STPG1: variants seen among roughly 807,000 people sequenced by gnomAD.
The protein encoded by STPG1 is sperm tail PG-rich repeat containing 1.
Under a neutral mutation model 40.1 loss-of-function variants are expected in STPG1, and 33 were observed. That is an observed-to-expected ratio of 0.82 (90% CI 0.62 to 1.10). The LOEUF is 1.10. STPG1 is among the 50% of genes least tolerant of loss of function. STPG1 has a pLI of 0.00. For missense variants in STPG1, 396 were observed against 415.1 expected, an observed-to-expected ratio of 0.95 and a Z score of 0.40; for synonymous variants, 150 against 155.0, an observed-to-expected ratio of 0.97 and a Z score of 0.24.
chr1:24,382,643 G>GAA (rs1326994000), intron 4 of STPG1, among the ~76,000 whole-genome samples: 1 of 152,192 alleles, frequency 6.6e-6, no homozygotes, highest in African/African-American at 2.4e-5. Context: ...GACCTACTGA[G>GAA]GCCATGTACA....
At chr1:24,401,799 G>T (rs561035228) in intron 1 of STPG1, among the ~76,000 whole-genome samples, 1 of 152,246 alleles carries the variant, frequency 6.6e-6, no homozygotes, top group African/African-American at 2.4e-5. Context: ...GGGTTCAAGT[G>T]ATTCTCCTGC....
At chr1:24,364,677 C>T (rs1372521028) in intron 7 of STPG1, among the ~76,000 whole-genome samples, 1 of 152,164 alleles carries the variant, frequency 6.6e-6, no homozygotes, top group Non-Finnish European at 1.5e-5. Context: ...AGGGCTGGTC[C>T]CTCCATGTCG....
intron 8 of STPG1, 106 bp from the exon 9 acceptor site, chr1:24,358,725 G>T: frequency 1.3e-6 from 1 of 780,572 alleles, no homozygotes; most frequent in Non-Finnish European, 2.1e-6. Flanking sequence ...CCCTGTGCCA[G>T]CCCCTGTATC....
At chr1:24,411,336 A>C (rs1643621422) in intron 1 of STPG1, among the ~76,000 whole-genome samples, 1 of 152,298 alleles carries the variant, frequency 6.6e-6, no homozygotes, top group Admixed American at 6.5e-5. Context: ...AGGAAGTCTG[A>C]CTTCTACTCA....
In STPG1 at chr1:24,399,386, T is replaced by C. The variant is rs938284619; in HGVS notation, c.70+1933A>G. Among the ~76,000 whole-genome samples the C allele has an allele frequency of 1.3e-5, 2 of 152,154 alleles. No homozygotes were observed. The highest frequency in any genetic ancestry group is 2.9e-5 in the Non-Finnish European group (2 of 68,010). On this transcript the variant is annotated intron_variant, in intron 2 of 8. Coordinates refer to ENST00000337248, the MANE Select transcript of STPG1 (RefSeq NM_001199013.2). This position sits in a 1 kb window ranked among gnomAD's most constrained non-coding sequence, Gnocchi z 4.0. Reference sequence around the variant, plus strand: ...ATGGAAAACAACAGACTCGGGCATCTTCCTCAATCAAAAACAATTTCAAGT... The same window carrying C: ...ATGGAAAACAACAGACTCGGGCATCCTCCTCAATCAAAAACAATTTCAAGT...
rs1642146071 is a variant in STPG1, at chr1:24,378,733, T to C, written c.462+920A>G. On this transcript the variant is annotated intron_variant, in intron 5 of 8. Coordinates refer to ENST00000337248, the MANE Select transcript of STPG1 (RefSeq NM_001199013.2). Reference sequence around the variant, plus strand: ...GGAAAAAAGGAAATGGTATAATAAATGTATAAAACCAAAATAGTTTGGAAA... The same window carrying C: ...GGAAAAAAGGAAATGGTATAATAAACGTATAAAACCAAAATAGTTTGGAAA... Among the ~76,000 whole-genome samples, 3 of 152,208 alleles carry C rather than the reference T, an allele frequency of 2.0e-5. No homozygotes were observed. In the South Asian group the frequency reaches 6.2e-4, roughly 32 times the overall value.
At position 24,389,073 on chromosome 1, in the gene STPG1, C is replaced by T. The variant is rs115516577; in HGVS notation, c.189+2488G>A. ...AAAGTTTTCATGTTGTCAAGTAACA[C>T]GACCACATTTAAAAAGTTGGAACCC... is the stretch of plus-strand genomic sequence containing the variant. On this transcript the variant is annotated intron_variant, in intron 3 of 8. Coordinates refer to ENST00000337248, the MANE Select transcript of STPG1 (RefSeq NM_001199013.2). Among the ~76,000 whole-genome samples, 851 of 152,286 alleles carry T rather than the reference C, an allele frequency of 5.6e-3. 9 individuals are homozygous for T. Among genetic ancestry groups the T allele is most frequent in the African/African-American group, 0.02 (817 of 41,550 alleles).
At chr1:24,375,986 A>G (rs928188359) in intron 5 of STPG1, among the ~76,000 whole-genome samples, 9 of 152,292 alleles carry the variant, frequency 5.9e-5, no homozygotes, top group South Asian at 2.1e-4. Context: ...TGGTGGAGGG[A>G]CAGAGGTAGG....
rs1041132019 is a variant in STPG1 at position 24,359,157 on chromosome 1, G to C, written c.929-538C>G. ...GCTCAGGGGAGCCCATGGTAGTCCAGGTATACCTGAGTTTACTGGAAGCTG... is the reference window on the plus strand; with the variant it reads ...GCTCAGGGGAGCCCATGGTAGTCCACGTATACCTGAGTTTACTGGAAGCTG... On this transcript the variant is annotated intron_variant, in intron 8 of 8. Coordinates refer to ENST00000337248, the MANE Select transcript of STPG1 (RefSeq NM_001199013.2). The surrounding 1 kb of genome is among the most constrained non-coding windows in gnomAD (Gnocchi z 5.3). Among the ~76,000 whole-genome samples, 7 of 152,320 alleles carry C rather than the reference G, an allele frequency of 4.6e-5. No individual in the cohort carries two copies. The East Asian group carries it at 9.7e-4, about 21-fold the overall frequency.
At chr1:24,362,568 C>T (rs1641192771) in intron 7 of STPG1, among the ~76,000 whole-genome samples, 1 of 152,164 alleles carries the variant, frequency 6.6e-6, no homozygotes, top group Non-Finnish European at 1.5e-5. Flanking sequence ...ATGTAAAGCA[C>T]CTAGTAGAGC....
Position 24,392,528 on chromosome 1 carries a change from A to G in STPG1, c.71-849T>C, listed in dbSNP as rs570053195. 4.6e-5 allele frequency among the ~76,000 whole-genome samples: 7 copies of G among 152,322 alleles called. No homozygotes were observed. In the South Asian group the frequency reaches 1.5e-3, roughly 32 times the overall value. On this transcript the variant is annotated intron_variant, in intron 2 of 8. Coordinates refer to ENST00000337248, the MANE Select transcript of STPG1 (RefSeq NM_001199013.2). ...CTCCTGTGGCACCAGCTGGAAGTTC[A>G]AACCACGCAGACCCCTGCCCTCAGT...
At chr1:24,387,724 C>T (rs1642575921) in intron 3 of STPG1, among the ~76,000 whole-genome samples, 1 of 152,080 alleles carries the variant, frequency 6.6e-6, no homozygotes, top group African/African-American at 2.4e-5. Context: ...GTCATGAGTG[C>T]CAGCCCAGTG....
chr1:24,408,256 T>TA (rs953414558), intron 1 of STPG1, among the ~76,000 whole-genome samples: 5 of 152,244 alleles, frequency 3.3e-5, no homozygotes, highest in Non-Finnish European at 7.3e-5. Context: ...AATTCCTATC[T>TA]AATACCATGT....
At chr1:24,391,797 C>CT in intron 2 of STPG1, 118 bp from the exon 3 acceptor site, 6 of 1,207,452 alleles carry the variant, frequency 5.0e-6, no homozygotes, top group Non-Finnish European at 5.4e-6. Flanking sequence ...AGAAACTTGC[C>CT]TTTTGACAGG....
rs1281830824 is a variant in STPG1, at chr1:24,359,734, C to T, written c.929-1115G>A. On this transcript the variant is annotated intron_variant, in intron 8 of 8. Transcript: ENST00000337248. The surrounding 1 kb of genome is among the most constrained non-coding windows in gnomAD (Gnocchi z 5.3). ...CAGTCATCACAGCTCTGCCTTCATC[C>T]TCCCATGCCACCTGCCACACATGTC... is the stretch of plus-strand genomic sequence containing the variant. Among the ~76,000 whole-genome samples, 1 of 152,200 alleles carries T rather than the reference C, an allele frequency of 6.6e-6. No individual in the cohort carries two copies. The highest frequency in any genetic ancestry group is 2.4e-5 in the African/African-American group (1 of 41,438).
At chr1:24,413,909 G>C (rs1398123336), upstream of STPG1, 1 of 152,256 alleles carries the variant, frequency 6.6e-6, no homozygotes, top group Non-Finnish European at 1.5e-5. Flanking sequence ...GCCTGTAGCG[G>C]GGTGGGGAAC....
chr1:24,405,574 TA>T (rs1260820418), intron 1 of STPG1, among the ~76,000 whole-genome samples: 1 of 152,192 alleles, frequency 6.6e-6, no homozygotes, highest in Non-Finnish European at 1.5e-5. Flanking sequence ...TTTACATCCT[TA>T]CTGATTTGCA....
intron 7 of STPG1, 71 bp downstream of exon 7, chr1:24,369,603 C>A: frequency 6.6e-7 from 1 of 1,505,842 alleles, no homozygotes. Context: ...GACACCCCAT[C>A]CTTTTCTCTA....
chr1:24,398,223 C>G (rs1049376683), intron 2 of STPG1, among the ~76,000 whole-genome samples: 1 of 151,650 alleles, frequency 6.6e-6, no homozygotes, highest in African/African-American at 2.4e-5. Flanking sequence ...CTCTGTATAT[C>G]TTTTTTTTGG....
Sources: allele counts gnomAD v4.1 joint callset (sites outside exome capture counted in the v4.1 genomes callset), GRCh38; gene constraint gnomAD v4.1.1; non-coding constraint Gnocchi (gnomAD v3.1); transcripts MANE v1.5; gene names NCBI Gene and HGNC (gene_info 2026-07-23, HGNC 2026-07-21).